Variants in C11orf65 observed in about 807,000 individuals in gnomAD.
The protein encoded by C11orf65 is chromosome 11 open reading frame 65.
C11orf65 carries 38 observed loss-of-function variants against 35.3 expected under a neutral mutation model. The observed-to-expected ratio is 1.08, with a 90% confidence interval of 0.83 to 1.41. C11orf65 has a LOEUF of 1.41. Among genes scored for constraint, C11orf65 ranks in the 40% most tolerant of loss-of-function variants. The pLI is 0.00. For synonymous variants in C11orf65, 105 were observed against 114.4 expected, an observed-to-expected ratio of 0.92 and a Z score of 0.53; for missense variants, 370 against 367.1, an observed-to-expected ratio of 1.01 and a Z score of -0.06.
chr11:108,423,318 G>A (rs146600074), intron 3 of C11orf65, among the ~76,000 whole-genome samples: 1,894 of 152,278 alleles, frequency 0.012, 47 homozygotes, highest in African/African-American at 0.042. Flanking sequence ...AGCCCAGCAA[G>A]CTAAGATCCA....
At chr11:108,421,652 C>T (rs935473350) in intron 3 of C11orf65, among the ~76,000 whole-genome samples, 3 of 152,000 alleles carry the variant, frequency 2.0e-5, no homozygotes, top group African/African-American at 7.2e-5. Flanking sequence ...AGCAAGACTC[C>T]ATCTCAAAAA....
downstream of C11orf65, chr11:108,329,090 T>TAGCC (rs1591150887): frequency 6.2e-7 from 1 of 1,614,102 alleles, no homozygotes; most frequent in Non-Finnish European, 8.5e-7. Context: ...AATGAAGGCA[T>TAGCC]TTCTCTCATT....
intron 2 of C11orf65, among the ~76,000 whole-genome samples, chr11:108,360,228 C>G (rs1392718377): frequency 1.3e-5 from 2 of 149,362 alleles, no homozygotes; most frequent in East Asian, 3.9e-4. Flanking sequence ...CACATACACT[C>G]TCCCAAGACT....
intron 2 of C11orf65, among the ~76,000 whole-genome samples, chr11:108,450,837 G>A (rs2093338289): frequency 6.6e-6 from 1 of 151,888 alleles, no homozygotes; most frequent in Non-Finnish European, 1.5e-5. Context: ...TCCCTGGGAT[G>A]CAAGGCTGGT....
At chr11:108,448,348 C>T (rs1447799036) in intron 2 of C11orf65, among the ~76,000 whole-genome samples, 1 of 152,144 alleles carries the variant, frequency 6.6e-6, no homozygotes, top group Admixed American at 6.5e-5. Context: ...GAATTTTAGG[C>T]CAATATCCTT....
In C11orf65 at chr11:108,317,524, A is replaced by G. The variant is rs1555114854; in HGVS notation, c.641-8453T>C. ...TGGGACCATTGCACTTCCGTCAGGT[A>G]AGAAATTTGACTTGATTTTTTTTTT... On this transcript the variant is annotated intron_variant, in intron 6 of 6. Coordinates refer to the C11orf65 transcript ENST00000525729. The G allele has an allele frequency of 1.3e-6, 2 of 1,599,874 alleles. No homozygotes were observed. Among genetic ancestry groups the G allele is most frequent in the Non-Finnish European group, 1.7e-6 (2 of 1,175,240 alleles).
intron 2 of C11orf65, among the ~76,000 whole-genome samples, chr11:108,352,941 A>G (rs1247977007): frequency 6.6e-6 from 1 of 152,130 alleles, no homozygotes; most frequent in Non-Finnish European, 1.5e-5. Flanking sequence ...GTGATAGGCT[A>G]TGGGAGGGAA....
chr11:108,465,291 G>T (rs1202997084), intron 1 of C11orf65, among the ~76,000 whole-genome samples: 1 of 152,136 alleles, frequency 6.6e-6, no homozygotes. Context: ...ATAGGCTAAA[G>T]GGTGTTTAGA....
At chr11:108,460,385 C>T (rs2093459069) in intron 2 of C11orf65, among the ~76,000 whole-genome samples, 1 of 152,146 alleles carries the variant, frequency 6.6e-6, no homozygotes, top group Admixed American at 6.5e-5. Flanking sequence ...GATAATTCAA[C>T]TTGGAATATT....
In C11orf65 at chr11:108,357,878, C is replaced by A. The variant is rs200143719; in HGVS notation, c.227-22586G>T. The stretch of plus-strand genomic sequence containing the variant: ...AACAGAAAAACTGGAAACTCTAAAA[C>A]GCAGAGCACCTCTCCTCCTCCAAAG... On this transcript the variant is annotated intron_variant, in intron 2 of 3. Transcript: ENST00000524755. 2.3e-4 allele frequency among the ~76,000 whole-genome samples: 35 copies of A among 151,212 alleles called. No homozygotes were observed. In the East Asian group the frequency reaches 6.1e-3, roughly 26 times the overall value.
chr11:108,374,194 TCCCTGAC>T (rs138029336), intron 2 of C11orf65, among the ~76,000 whole-genome samples: 70,972 of 151,322 alleles, frequency 0.47, 18,915 homozygotes, highest in Middle Eastern at 0.71. Flanking sequence ...CTCAAGTAGG[TCCCTGAC>T]CCCTGACCCC....
At chr11:108,459,933 G>T (rs1829632118) in intron 2 of C11orf65, among the ~76,000 whole-genome samples, 1 of 152,126 alleles carries the variant, frequency 6.6e-6, no homozygotes, top group African/African-American at 2.4e-5. Context: ...ACGCCTAGAT[G>T]ATGTGTATGT....
intron 3 of C11orf65, among the ~76,000 whole-genome samples, chr11:108,419,937 T>C (rs2092791330): frequency 6.6e-6 from 1 of 152,166 alleles, no homozygotes; most frequent in Admixed American, 6.5e-5. Context: ...ATAAAATGTA[T>C]CATGTTTGAA....
At chr11:108,456,818 GAA>G (rs57999378) in intron 2 of C11orf65, among the ~76,000 whole-genome samples, 27,252 of 151,294 alleles carry the variant, frequency 0.18, 2,788 homozygotes, top group African/African-American at 0.26. Flanking sequence ...AAGAAGGAAA[GAA>G]AGAGAAAAAG....
intron 1 of C11orf65, 49 bp downstream of exon 1, chr11:108,467,422 C>CG (rs2093554101): frequency 2.0e-5 from 3 of 152,262 alleles, no homozygotes; most frequent in Admixed American, 6.5e-5. Flanking sequence ...CAAAGGCTAC[C>CG]GGAACAGTAG....
At position 108,354,880 on chromosome 11, in the gene C11orf65, G is replaced by C. The variant is rs2089704921; in HGVS notation, c.227-19588C>G. The C allele has an allele frequency of 1.2e-6, 2 of 1,609,554 alleles. No homozygotes were observed. On this transcript the variant is annotated intron_variant, in intron 2 of 3. Transcript: ENST00000524755. Reference sequence around the variant, plus strand: ...CTCTGTTAACCATTGTAGAGGTAAAGTATTTTATAAGGAAGACTTTATTTT... The same window carrying C: ...CTCTGTTAACCATTGTAGAGGTAAACTATTTTATAAGGAAGACTTTATTTT...
At chr11:108,395,132 T>C (rs1173412499) in intron 6 of C11orf65, among the ~76,000 whole-genome samples, 3 of 142,114 alleles carry the variant, frequency 2.1e-5, no homozygotes, top group Non-Finnish European at 4.6e-5. Context: ...CCTTAACTCT[T>C]AAAAAAAAAA....
chr11:108,436,765 A>G (rs1443073356), intron 2 of C11orf65, among the ~76,000 whole-genome samples: 2 of 152,180 alleles, frequency 1.3e-5, no homozygotes, highest in Non-Finnish European at 2.9e-5. Flanking sequence ...CGGTAACACT[A>G]TTTATTGACT....
At chr11:108,411,744 A>G (rs1480643400) in intron 3 of C11orf65, among the ~76,000 whole-genome samples, 1 of 151,924 alleles carries the variant, frequency 6.6e-6, no homozygotes, top group African/African-American at 2.4e-5. Flanking sequence ...CTTAAAGCTT[A>G]ATTTGTCCAA....
Sources: allele counts gnomAD v4.1 joint callset (sites outside exome capture counted in the v4.1 genomes callset), GRCh38; gene constraint gnomAD v4.1.1; transcripts MANE v1.5; gene names NCBI Gene and HGNC (gene_info 2026-07-23, HGNC 2026-07-21).